The following TAF13 variants were observed in gnomAD, a reference collection of about 807,000 sequenced individuals.
TAF13 encodes transcription initiation factor TFIID subunit 13.
TAF13 carries 9 observed loss-of-function variants against 18.7 expected under a neutral mutation model. The ratio of observed to expected loss-of-function variants is 0.48; its 90% CI spans 0.29 to 0.84. The LOEUF (loss-of-function observed/expected upper bound fraction) is 0.84. Among genes scored for constraint, TAF13 ranks in the 40% least tolerant of loss-of-function variants. TAF13 has a pLI of 0.08. For missense variants in TAF13, 105 were observed against 146.5 expected (o/e 0.72, Z 1.46); for synonymous variants, 49 against 44.1 (o/e 1.11, Z -0.44).
intron 2 of TAF13, among the ~76,000 whole-genome samples, chr1:109,070,857 A>T (rs1390457386): frequency 6.6e-6 from 1 of 152,228 alleles, no homozygotes; most frequent in Non-Finnish European, 1.5e-5. Flanking sequence ...ACTGAACATC[A>T]CTCTGGGATG....
intron 2 of TAF13, among the ~76,000 whole-genome samples, chr1:109,068,785 T>C (rs6604760): frequency 0.052 from 7,948 of 152,252 alleles, 659 homozygotes; most frequent in African/African-American, 0.18. Flanking sequence ...GCGGATCACC[T>C]GAGGTCGGGA....
chr1:109,073,980 C>G (rs900510118), intron 2 of TAF13, among the ~76,000 whole-genome samples: 1 of 152,078 alleles, frequency 6.6e-6, no homozygotes, highest in Non-Finnish European at 1.5e-5. Context: ...TGCCCGGCCA[C>G]GACCCCGTCT....
At chr1:109,072,382 C>T (rs886703930) in intron 2 of TAF13, among the ~76,000 whole-genome samples, 1 of 151,606 alleles carries the variant, frequency 6.6e-6, no homozygotes, top group African/African-American at 2.4e-5. Context: ...GGGTCAAAAC[C>T]GTCTACTGAG....
chr1:109,064,623 T>C lies in TAF13; in HGVS notation c.275A>G (p.Lys92Arg), dbSNP rs1215518857. 3 of 1,581,124 alleles carry C rather than the reference T, an allele frequency of 1.9e-6. No homozygotes were observed. Among genetic ancestry groups the C allele is most frequent in the Non-Finnish European group, 2.6e-6 (3 of 1,164,186 alleles). Reference protein sequence around the residue: ...QVEDIVFLIRKDPRKFARVKD... With the variant: ...QVEDIVFLIRRDPRKFARVKD... ...AACCCTGGCAAACTTCCTTGGGTCCTTTCGAATCAAGAAGACGATATCTTC... is the reference window on the plus strand; with the variant it reads ...AACCCTGGCAAACTTCCTTGGGTCCCTTCGAATCAAGAAGACGATATCTTC... Residue 92 changes from lysine to arginine, a missense_variant, in exon 4 of 4, where the codon AAG (lysine) becomes AGG (arginine). By Grantham distance (26) the Lys-to-Arg change is conservative (BLOSUM62 2). Transcript: ENST00000338366.
rs150167796 is a variant in TAF13, at chr1:109,067,603, G to A, written c.107-1371C>T. Among the ~76,000 whole-genome samples, 933 of 152,056 alleles carry A rather than the reference G, an allele frequency of 6.1e-3. 7 individuals are homozygous for A. Among genetic ancestry groups the A allele is most frequent in the Non-Finnish European group, 0.011 (717 of 67,974 alleles). ...CCAGCCTGGGTGACAGAGGGAGGCT[G>A]TGTCTCAAAAATAATAATAATAATA... On this transcript the variant is annotated intron_variant, in intron 2 of 3. Coordinates refer to ENST00000338366, the MANE Select transcript of TAF13 (RefSeq NM_005645.4).
At chr1:109,072,023 T>C (rs950825874) in intron 2 of TAF13, among the ~76,000 whole-genome samples, 4 of 4,508 alleles carry the variant, frequency 8.9e-4, no homozygotes, top group African/African-American at 3.1e-3. Flanking sequence ...TACACACACA[T>C]ATATATATAT....
At chr1:109,066,058 A>C in intron 3 of TAF13, 77 bp downstream of exon 3, 1 of 1,207,642 alleles carries the variant, frequency 8.3e-7, no homozygotes, top group Non-Finnish European at 1.2e-6. Context: ...GGATGCCATA[A>C]GTTCTAGTCT....
At chr1:109,072,537 T>C (rs1380375730) in intron 2 of TAF13, among the ~76,000 whole-genome samples, 1 of 152,118 alleles carries the variant, frequency 6.6e-6, no homozygotes, top group Non-Finnish European at 1.5e-5. Context: ...CTCCACCTCC[T>C]GGGCTCAAGC....
At chr1:109,071,981 C>CAT (rs1158249040) in intron 2 of TAF13, among the ~76,000 whole-genome samples, 8 of 10,324 alleles carry the variant, frequency 7.7e-4, no homozygotes, top group African/African-American at 2.7e-3. Flanking sequence ...TATATACACA[C>CAT]ATATATATAT....
chr1:109,068,348 G>C (rs982044812), intron 2 of TAF13, among the ~76,000 whole-genome samples: 1 of 152,074 alleles, frequency 6.6e-6, no homozygotes. Context: ...ACGTTGCCCA[G>C]ATAGTCTTGA....
rs527929064 is a variant in TAF13 at position 109,073,885 on chromosome 1, G to A, written c.106+1102C>T. On this transcript the variant is annotated intron_variant, in intron 2 of 3. Transcript: ENST00000338366. ...CCGCCCCGTCTGGGATGTGAGGAGCGCCTCTGCTCGGCCGCTACTCCGTCT... is the reference window on the plus strand; with the variant it reads ...CCGCCCCGTCTGGGATGTGAGGAGCACCTCTGCTCGGCCGCTACTCCGTCT... Among the ~76,000 whole-genome samples, 19 of 151,616 alleles carry A rather than the reference G, an allele frequency of 1.3e-4. No individual in the cohort carries two copies. The East Asian group carries it at 3.5e-3, about 28-fold the overall frequency.
At chr1:109,075,595 T>C (rs1664165492) in intron 1 of TAF13, among the ~76,000 whole-genome samples, 1 of 152,206 alleles carries the variant, frequency 6.6e-6, no homozygotes, top group Non-Finnish European at 1.5e-5. Context: ...TTCCCATTAC[T>C]TCACAGTAAG....
intron 3 of TAF13, among the ~76,000 whole-genome samples, chr1:109,065,041 GTCC>G (rs1037792300): frequency 6.6e-6 from 1 of 151,784 alleles, no homozygotes; most frequent in African/African-American, 2.4e-5. Flanking sequence ...TATGCTTTGT[GTCC>G]TCCTCTATCT....
chr1:109,066,336 T>C, intron 2 of TAF13, 104 bp from the exon 3 acceptor site: 1 of 821,916 alleles, frequency 1.2e-6, no homozygotes, highest in Non-Finnish European at 1.9e-6. Context: ...ATAATATTGG[T>C]ATGAAAACAT....
chr1:109,071,488 T>TG (rs1438522586), intron 2 of TAF13, among the ~76,000 whole-genome samples: 6 of 151,140 alleles, frequency 4.0e-5, no homozygotes, highest in Non-Finnish European at 8.8e-5. Flanking sequence ...CATGCACCTA[T>TG]AGTCCCAGCT....
At chr1:109,068,858 G>T (rs958860434) in intron 2 of TAF13, among the ~76,000 whole-genome samples, 32 of 152,142 alleles carry the variant, frequency 2.1e-4, no homozygotes, top group African/African-American at 7.0e-4. Flanking sequence ...AAAAATTAGG[G>T]GGGCGTGGTG....
At chr1:109,068,667 A>C (rs1400974235) in intron 2 of TAF13, among the ~76,000 whole-genome samples, 1 of 152,080 alleles carries the variant, frequency 6.6e-6, no homozygotes, top group Non-Finnish European at 1.5e-5. Context: ...AGAGGTTCTT[A>C]TCCTATCGCC....
intron 1 of TAF13, among the ~76,000 whole-genome samples, chr1:109,075,470 A>G (rs1412010259): frequency 6.6e-6 from 1 of 152,188 alleles, no homozygotes; most frequent in Non-Finnish European, 1.5e-5. Context: ...AACGTTCCTT[A>G]AGTAAGCCCG....
intron 2 of TAF13, among the ~76,000 whole-genome samples, chr1:109,071,683 G>A (rs536629659): frequency 1.3e-4 from 20 of 151,650 alleles, no homozygotes; most frequent in Admixed American, 4.0e-4. Flanking sequence ...AGCTGGGCAC[G>A]GTGGTTCATG....
Sources: allele counts gnomAD v4.1 joint callset (sites outside exome capture counted in the v4.1 genomes callset), GRCh38; gene constraint gnomAD v4.1.1; transcripts MANE v1.5; gene names NCBI Gene and HGNC (gene_info 2026-07-23, HGNC 2026-07-21).